PKIB: variants seen among roughly 807,000 people sequenced by gnomAD.
PKIB encodes the protein PKI-beta.
In PKIB, 2 loss-of-function variants were observed where a neutral mutation model predicts 4.5. That is an observed-to-expected ratio of 0.44 (90% CI 0.18 to 1.39). PKIB has a LOEUF of 1.39. PKIB is among the 40% of genes most tolerant of loss of function. The pLI is 0.27. For synonymous variants in PKIB, 38 were observed against 36.0 expected (o/e 1.06, Z -0.20); for missense variants, 94 against 92.6 (o/e 1.02, Z -0.06).
rs534576261 is a variant in PKIB at position 122,540,645 on chromosome 6, A to G, written c.-247-45276A>G. On this transcript the variant is annotated intron_variant, in intron 2 of 6. Transcript: ENST00000392491. ...ATAGGTGTGGTGTGGTGCTGAAAAAAATGTATATTCTGTTGATTTGGGGTG... is the reference window on the plus strand; with the variant it reads ...ATAGGTGTGGTGTGGTGCTGAAAAAGATGTATATTCTGTTGATTTGGGGTG... Among the ~76,000 whole-genome samples, 11 of 152,132 alleles carry G rather than the reference A, an allele frequency of 7.2e-5. No individual in the cohort carries two copies. In the East Asian group the frequency reaches 2.1e-3, roughly 29 times the overall value.
intron 3 of PKIB, among the ~76,000 whole-genome samples, chr6:122,711,008 A>C (rs1779252823): frequency 6.6e-6 from 1 of 152,172 alleles, no homozygotes; most frequent in Non-Finnish European, 1.5e-5. Flanking sequence ...CTGAAGCTAG[A>C]AATAAAAGCT....
intron 2 of PKIB, among the ~76,000 whole-genome samples, chr6:122,667,683 A>AC (rs1777287681): frequency 1.3e-5 from 2 of 152,358 alleles, no homozygotes; most frequent in Admixed American, 1.3e-4. Flanking sequence ...ATGGAAAAAA[A>AC]TTAAAAGTTA....
At chr6:122,555,659 T>A (rs568260593) in intron 2 of PKIB, among the ~76,000 whole-genome samples, 1 of 152,348 alleles carries the variant, frequency 6.6e-6, no homozygotes, top group African/African-American at 2.4e-5. Flanking sequence ...TTTCCTATCC[T>A]GCAGGCCTTC....
intron 2 of PKIB, among the ~76,000 whole-genome samples, chr6:122,561,049 TCTGATCTTG>T (rs1772996460): frequency 6.6e-6 from 1 of 152,036 alleles, no homozygotes; most frequent in South Asian, 2.1e-4. Flanking sequence ...TTAGTTCTGC[TCTGATCTTG>T]GTAATTTCCT....
rs543811297 is a variant in PKIB, at chr6:122,535,214, C to T, written c.-247-50707C>T. On this transcript the variant is annotated intron_variant, in intron 2 of 6. Coordinates refer to the PKIB transcript ENST00000392491. ...TTTGTGTTTATCTTCAGAGACTTTA[C>T]ATTTTGGTAGGAGTTTTACTCATCA... Among the ~76,000 whole-genome samples the T allele has an allele frequency of 3.3e-5, 5 of 152,190 alleles. No individual in the cohort carries two copies. In the South Asian group the frequency reaches 1.0e-3, roughly 32 times the overall value.
chr6:122,472,750 T>C (rs1030534835), intron 1 of PKIB, among the ~76,000 whole-genome samples: 1 of 152,214 alleles, frequency 6.6e-6, no homozygotes, highest in Non-Finnish European at 1.5e-5. Flanking sequence ...TAAGGGACAA[T>C]CTTGCTTTAT....
chr6:122,685,326 T>C (rs1778052805), intron 3 of PKIB, among the ~76,000 whole-genome samples: 2 of 152,096 alleles, frequency 1.3e-5, no homozygotes, highest in African/African-American at 2.4e-5. Flanking sequence ...TCAAGGCAAG[T>C]TTTAAAAAGA....
At chr6:122,493,695 A>G (rs989458676) in intron 2 of PKIB, among the ~76,000 whole-genome samples, 9 of 152,274 alleles carry the variant, frequency 5.9e-5, no homozygotes, top group Admixed American at 2.6e-4. Flanking sequence ...GGAGTTTTCT[A>G]AAATATTTTC....
chr6:122,721,534 G>A (rs1316729416), intron 4 of PKIB, among the ~76,000 whole-genome samples: 1 of 151,990 alleles, frequency 6.6e-6, no homozygotes, highest in Non-Finnish European at 1.5e-5. Flanking sequence ...CATTTATTTG[G>A]CCATCTCTGA....
chr6:122,684,569 C>T (rs1778023372), intron 3 of PKIB, among the ~76,000 whole-genome samples: 1 of 152,032 alleles, frequency 6.6e-6, no homozygotes, highest in Non-Finnish European at 1.5e-5. Flanking sequence ...ATTATAGAAA[C>T]CACCATTATC....
intron 2 of PKIB, among the ~76,000 whole-genome samples, chr6:122,665,336 A>T (rs375654224): frequency 1.5e-4 from 23 of 152,326 alleles, no homozygotes; most frequent in African/African-American, 5.1e-4. Flanking sequence ...AGGGCCCTTT[A>T]AAATGGATTT....
chr6:122,664,743 GT>G (rs1440854592), intron 2 of PKIB, among the ~76,000 whole-genome samples: 1 of 151,840 alleles, frequency 6.6e-6, no homozygotes, highest in African/African-American at 2.4e-5. Context: ...GTTTATTTTT[GT>G]TTTGTTTATA....
At chr6:122,529,226 A>C (rs560804477) in intron 2 of PKIB, among the ~76,000 whole-genome samples, 1 of 152,016 alleles carries the variant, frequency 6.6e-6, no homozygotes, top group Non-Finnish European at 1.5e-5. Context: ...TATTACATAG[A>C]TATTTTCTTT....
At chr6:122,472,101 A>C (rs1775320290) in intron 1 of PKIB, 1 of 236,040 alleles carries the variant, frequency 4.2e-6, no homozygotes. Context: ...AGTAGAGAAC[A>C]GAGCTGAGGT....
chr6:122,718,630 C>T (rs921853737), intron 4 of PKIB, among the ~76,000 whole-genome samples: 6 of 152,118 alleles, frequency 3.9e-5, no homozygotes, highest in Admixed American at 2.0e-4. Flanking sequence ...AAAATACTCA[C>T]GTTTTGTGCC....
chr6:122,496,059 ACCAGGTACTTCACTGT>A (rs1339236528), intron 2 of PKIB, among the ~76,000 whole-genome samples: 2 of 152,162 alleles, frequency 1.3e-5, no homozygotes, highest in African/African-American at 4.8e-5. Flanking sequence ...AGCTCAGGGC[ACCAGGTACTTCACTGT>A]CCAGTCCTTC....
chr6:122,537,531 T>C (rs1302595468), intron 2 of PKIB, among the ~76,000 whole-genome samples: 1 of 152,198 alleles, frequency 6.6e-6, no homozygotes, highest in East Asian at 1.9e-4. Flanking sequence ...TATGGCTGCA[T>C]AGTATTCCAT....
chr6:122,653,662 G>A (rs1166779678), intron 2 of PKIB, among the ~76,000 whole-genome samples: 3 of 151,398 alleles, frequency 2.0e-5, no homozygotes, highest in African/African-American at 7.3e-5. Flanking sequence ...AAAAAAATTG[G>A]AGTTAAGGGG....
chr6:122,539,787 T>A (rs1777533063), intron 2 of PKIB, among the ~76,000 whole-genome samples: 1 of 152,094 alleles, frequency 6.6e-6, no homozygotes, highest in African/African-American at 2.4e-5. Flanking sequence ...TCTGGTAGAA[T>A]TCGGCTGTGA....
Sources: allele counts gnomAD v4.1 joint callset (sites outside exome capture counted in the v4.1 genomes callset), GRCh38; gene constraint gnomAD v4.1.1; transcripts MANE v1.5; gene names NCBI Gene and HGNC (gene_info 2026-07-23, HGNC 2026-07-21).